Variants in TAFA3 observed in about 807,000 individuals in gnomAD.
TAFA3 encodes the protein chemokine-like protein TAFA-3.
Under a neutral mutation model 20.7 loss-of-function variants are expected in TAFA3, and 17 were observed. The observed-to-expected ratio is 0.82, with a 90% CI of 0.56 to 1.23. The LOEUF is 1.23. Among genes scored for constraint, TAFA3 ranks in the 50% most tolerant of loss-of-function variants. The pLI is 0.00. For missense variants in TAFA3, 174 were observed against 172.8 expected, an observed-to-expected ratio of 1.01 and a Z score of -0.04; for synonymous variants, 74 against 71.8, an observed-to-expected ratio of 1.03 and a Z score of -0.16.
chr1:112,723,131 C>T lies in TAFA3; in HGVS notation c.231C>T (p.Ala77=), dbSNP rs749941043. The change falls in exon 4 of 6, where the codon GCC becomes GCT. Residue 77 remains alanine, a synonymous_variant. Transcript: ENST00000361886. The part of the protein sequence containing the change: ...VKCSCFSGQV[A]GTTRAKPSCV... Reference sequence around the variant, plus strand: ...GCTCCTGTTTTTCTGGCCAGGTGGCCGGCACCACGCGGGCAAAGCCCTCCT... The same window carrying T: ...GCTCCTGTTTTTCTGGCCAGGTGGCTGGCACCACGCGGGCAAAGCCCTCCT... 14 of 1,613,158 alleles carry T rather than the reference C, an allele frequency of 8.7e-6. No individual in the cohort carries two copies. The highest frequency in any genetic ancestry group is 1.7e-5 in the Admixed American group (1 of 59,986).
In TAFA3 at chr1:112,726,698, G is replaced by A; in HGVS notation, c.*58G>A. 6.2e-7 allele frequency: 1 copy of A among 1,613,492 alleles called. No individual in the cohort carries two copies. Among genetic ancestry groups the A allele is most frequent in the Non-Finnish European group, 8.5e-7 (1 of 1,179,512 alleles). ...TTGACTGAGCCGTGAACTGAAGAAT[G>A]GTATCCAGTCATCAGCCAGGAAAGA... On this transcript the variant is annotated 3_prime_UTR_variant, in exon 6 of 6. Transcript: ENST00000361886.
rs762760563 is a variant in TAFA3, at chr1:112,723,112, G to C, written c.212G>C (p.Cys71Ser). The C allele has an allele frequency of 2.5e-6, 4 of 1,613,388 alleles. No homozygotes were observed. The highest frequency in any genetic ancestry group is 1.7e-4 in the Middle Eastern group (1 of 6,052). The change falls in exon 4 of 6, where the codon TGT (cysteine) becomes TCT (serine). Residue 71 changes from cysteine (C) to serine (S), a missense_variant. Transcript: ENST00000361886. ...EERSQTVKCSCFSGQVAGTTR... is the reference protein window; with the variant it reads ...EERSQTVKCSSFSGQVAGTTR... Reference sequence around the variant, plus strand: ...CGCTCCCAGACGGTGAAATGCTCCTGTTTTTCTGGCCAGGTGGCCGGCACC... The same window carrying C: ...CGCTCCCAGACGGTGAAATGCTCCTCTTTTTCTGGCCAGGTGGCCGGCACC...
At chr1:112,722,867 A>G (rs1675362380) in intron 3 of TAFA3, 149 bp from the exon 4 acceptor site, 1 of 1,005,204 alleles carries the variant, frequency 9.9e-7, no homozygotes, top group South Asian at 1.7e-5. Context: ...CGGCGGGAAG[A>G]TTTCATCCAC....
intron 4 of TAFA3, 188 bp from the exon 5 acceptor site, chr1:112,723,825 G>T: frequency 8.9e-7 from 1 of 1,126,862 alleles, no homozygotes. Context: ...AGTTGAGAGG[G>T]TTACGTCCCC....
chr1:112,726,792 C>G lies in TAFA3; in HGVS notation c.*152C>G. ...TTTCCGGGGCATTTCAGTTAAGCTGCTCAGCAGATATGGATGGATCTGCAA... is the reference window on the plus strand; with the variant it reads ...TTTCCGGGGCATTTCAGTTAAGCTGGTCAGCAGATATGGATGGATCTGCAA... On this transcript the variant is annotated 3_prime_UTR_variant, in exon 6 of 6. Transcript: ENST00000361886. 1 of 1,212,230 alleles carries G rather than the reference C, an allele frequency of 8.2e-7. No individual in the cohort carries two copies. The highest frequency in any genetic ancestry group is 1.2e-6 in the Non-Finnish European group (1 of 837,234). 75.1% of individuals were successfully genotyped at this position (1,212,230 alleles called of 1,614,324 possible).
At chr1:112,726,517 A>G (rs1367909938) in intron 5 of TAFA3, 112 bp from the exon 6 acceptor site, 2 of 1,117,814 alleles carry the variant, frequency 1.8e-6, no homozygotes, top group Admixed American at 1.8e-5. Flanking sequence ...TTAGGGTGAG[A>G]GGATTGGCAG....
chr1:112,723,794 T>C, intron 4 of TAFA3: 2 of 811,416 alleles, frequency 2.5e-6, no homozygotes, highest in South Asian at 1.8e-5. Flanking sequence ...TCTGGGGAGA[T>C]GCAGGGATCG....
intron 1 of TAFA3, among the ~76,000 whole-genome samples, chr1:112,719,884 T>TG (rs1675286431): frequency 6.6e-6 from 1 of 152,142 alleles, no homozygotes; most frequent in East Asian, 1.9e-4. Context: ...ATTCCCCTTA[T>TG]GCTCTCGCTC....
chr1:112,719,969 T>C (rs1675289043), intron 1 of TAFA3, among the ~76,000 whole-genome samples: 1 of 152,090 alleles, frequency 6.6e-6, no homozygotes, highest in Non-Finnish European at 1.5e-5. Flanking sequence ...TGCCTCCCTT[T>C]AGAGAGGTGA....
chr1:112,727,061 T>C lies in TAFA3; in HGVS notation c.*421T>C, dbSNP rs1334234524. 2 of 196,268 alleles carry C rather than the reference T, an allele frequency of 1.0e-5. No individual in the cohort carries two copies. The highest frequency in any genetic ancestry group is 1.5e-4 in the East Asian group (1 of 6,828). 12.2% of individuals were successfully genotyped at this position (196,268 alleles called of 1,614,324 possible). A position where few individuals can be genotyped will look rare whatever the true frequency, so the allele number is the denominator to read the frequency against. ...GGCCACAGGGCATAGAAACAAGAGG[T>C]CACATTCAGCACCCACCACCTCCCT... On this transcript the variant is annotated 3_prime_UTR_variant, in exon 6 of 6. Coordinates refer to ENST00000361886, the MANE Select transcript of TAFA3 (RefSeq NM_182759.3).
At chr1:112,726,572 T>C in intron 5 of TAFA3, 57 bp from the exon 6 acceptor site, 1 of 1,587,256 alleles carries the variant, frequency 6.3e-7, no homozygotes, top group Non-Finnish European at 8.7e-7. Flanking sequence ...GTCTCTGGCA[T>C]GCTGGAATGG....
In TAFA3 at chr1:112,722,973, G is replaced by A. The variant is rs558757817; in HGVS notation, c.116-43G>A. 5.5e-5 allele frequency: 86 copies of A among 1,572,494 alleles called. 1 individual carries two copies. In the South Asian group the frequency reaches 8.8e-4, roughly 16 times the overall value. On this transcript the variant is annotated intron_variant, in intron 3 of 5. Transcript: ENST00000361886. ...AGCCCGGGTGGGCGGGAGGGAGCGG[G>A]GTCGGGCGTGTTGGGCGTCTGATCC...
In TAFA3 at chr1:112,724,057, C is replaced by G. The variant is rs767714167; in HGVS notation, c.310C>G (p.Leu104Val). The G allele has an allele frequency of 9.9e-6, 16 of 1,613,770 alleles. No homozygotes were observed. The Admixed American group carries it at 2.2e-4, about 22-fold the overall frequency. ...QRWWCQMEPC[L>V]PGEECKVLPD... The stretch of plus-strand genomic sequence containing the variant: ...ATGGTGGTGTCAGATGGAGCCCTGC[C>G]TGCCGGGGGAGGAGTGTAAGGTGCT... Residue 104 changes from leucine (L) to valine (V), a missense_variant, in exon 5 of 6, where the codon CTG (leucine) becomes GTG (valine). Coordinates refer to ENST00000361886, the MANE Select transcript of TAFA3 (RefSeq NM_182759.3).
In TAFA3 at chr1:112,721,502, T is replaced by TG. The variant is rs529408427; in HGVS notation, c.-1-727dup. Among the ~76,000 whole-genome samples the TG allele has an allele frequency of 2.8e-3, 430 of 152,244 alleles. 2 individuals are homozygous for TG. The highest frequency in any genetic ancestry group is 9.8e-3 in the African/African-American group (409 of 41,534). On this transcript the variant is annotated intron_variant, in intron 2 of 5. Coordinates refer to ENST00000361886, the MANE Select transcript of TAFA3 (RefSeq NM_182759.3). ...CTAATTTTTTAATTTTTTGTAGAGA[T>TG]GGGGTCTTGCTATGTTGCCTAGGCT... is the stretch of plus-strand genomic sequence containing the variant.
At chr1:112,721,948 A>C (rs1018197614) in intron 2 of TAFA3, among the ~76,000 whole-genome samples, 1 of 151,844 alleles carries the variant, frequency 6.6e-6, no homozygotes, top group Non-Finnish European at 1.5e-5. Context: ...AAAGAGTAGG[A>C]GTCAGTATTA....
Position 112,719,267 on chromosome 1 carries a change from C to A in TAFA3, c.-92C>A, listed in dbSNP as rs1255845404. 6.6e-6 allele frequency among the ~76,000 whole-genome samples: 1 copy of A among 152,202 alleles called. No homozygotes were observed. Among genetic ancestry groups the A allele is most frequent in the African/African-American group, 2.4e-5 (1 of 41,450 alleles). ...AGTGGCAAGGAAGACTTCAGGCCAGCAGATCGAACCAGTGGGCATCACCGT... is the reference window on the plus strand; with the variant it reads ...AGTGGCAAGGAAGACTTCAGGCCAGAAGATCGAACCAGTGGGCATCACCGT... On this transcript the variant is annotated 5_prime_UTR_variant, in exon 1 of 6. Coordinates refer to ENST00000361886, the MANE Select transcript of TAFA3 (RefSeq NM_182759.3).
Position 112,724,020 on chromosome 1 carries a change from C to A in TAFA3, c.273C>A (p.Ile91=). ...RAKPSCVDAS[I]VLQRWWCQME... is the part of the protein sequence containing the mutation. ...CGCCTCCTGCTCCCACAGCCTCCAT[C>A]GTCCTGCAGAGATGGTGGTGTCAGA... The change falls in exon 5 of 6, where the codon ATC becomes ATA. Residue 91 remains isoleucine (I), a synonymous_variant. Coordinates refer to ENST00000361886, the MANE Select transcript of TAFA3 (RefSeq NM_182759.3). 1.9e-6 allele frequency: 3 copies of A among 1,613,972 alleles called. No individual in the cohort carries two copies. Among genetic ancestry groups the A allele is most frequent in the African/African-American group, 1.3e-5 (1 of 75,034 alleles).
intron 5 of TAFA3, among the ~76,000 whole-genome samples, chr1:112,724,805 T>A (rs1320678739): frequency 1.9e-3 from 54 of 28,278 alleles, no homozygotes; most frequent in African/African-American, 2.9e-3. Context: ...AAAAACAACA[T>A]ATTAGAGCAG....
chr1:112,726,372 G>A (rs2101504611), intron 5 of TAFA3, among the ~76,000 whole-genome samples: 1 of 152,286 alleles, frequency 6.6e-6, no homozygotes, highest in South Asian at 2.1e-4. Flanking sequence ...TTGTCACCAT[G>A]TTATAGGTTT....
Sources: allele counts gnomAD v4.1 joint callset (sites outside exome capture counted in the v4.1 genomes callset), GRCh38; gene constraint gnomAD v4.1.1; transcripts MANE v1.5; gene names NCBI Gene and HGNC (gene_info 2026-07-23, HGNC 2026-07-21).